The following SORCS3 variants were observed in gnomAD, a reference collection of about 807,000 sequenced individuals.
The protein encoded by SORCS3 is sortilin related VPS10 domain containing receptor 3, also known as VPS10 domain-containing receptor SorCS3.
In SORCS3, 57 loss-of-function variants were observed where a neutral mutation model predicts 146.3. The observed-to-expected ratio is 0.39, with a 90% CI of 0.31 to 0.49. The LOEUF is 0.49. Ranked by LOEUF, SORCS3 falls within the 20% of genes least tolerant of loss-of-function variation. The probability of loss-of-function intolerance (pLI) is 0.92; values close to 1 mark genes in which losing one functional copy is unlikely to be tolerated. For missense variants in SORCS3, 1,341 were observed against 1,575.5 expected (o/e 0.85, Z 2.52); for synonymous variants, 653 against 618.5 (o/e 1.06, Z -0.83).
intron 2 of SORCS3, 129 bp downstream of exon 2, chr10:104,842,988 G>A (rs1464364079): frequency 9.5e-6 from 7 of 735,338 alleles, no homozygotes; most frequent in Middle Eastern, 3.6e-4. Flanking sequence ...TCATGTTAAT[G>A]CTCTGGGTGG....
chr10:104,784,774 T>A (rs926071015), intron 1 of SORCS3, among the ~76,000 whole-genome samples: 1 of 152,224 alleles, frequency 6.6e-6, no homozygotes. Flanking sequence ...GAGGAACCTG[T>A]TTTCCTAGCT....
chr10:104,959,131 C>A (rs899896877), intron 3 of SORCS3, among the ~76,000 whole-genome samples: 1 of 152,080 alleles, frequency 6.6e-6, no homozygotes, highest in Non-Finnish European at 1.5e-5. Flanking sequence ...TTCTGACTTG[C>A]AGATAGGTAA....
intron 1 of SORCS3, among the ~76,000 whole-genome samples, chr10:104,787,492 A>G (rs942445389): frequency 6.6e-6 from 1 of 152,168 alleles, no homozygotes; most frequent in African/African-American, 2.4e-5. Flanking sequence ...TAGGACTCAC[A>G]TTTTAGGCAA....
At chr10:105,164,135 G>T (rs1332061161) in intron 11 of SORCS3, among the ~76,000 whole-genome samples, 168 bp from the exon 12 acceptor site, 6 of 151,966 alleles carry the variant, frequency 3.9e-5, no homozygotes, top group African/African-American at 1.4e-4. Flanking sequence ...TCCCATATTG[G>T]GTTTTTCATC....
intron 5 of SORCS3, among the ~76,000 whole-genome samples, chr10:105,075,652 G>A (rs1249301506): frequency 6.6e-6 from 1 of 152,122 alleles, no homozygotes; most frequent in Non-Finnish European, 1.5e-5. Context: ...GAAGGGGGGC[G>A]AGAAGGGGTG....
At chr10:104,645,682 C>G (rs905681698) in intron 1 of SORCS3, among the ~76,000 whole-genome samples, 2 of 152,196 alleles carry the variant, frequency 1.3e-5, no homozygotes, top group African/African-American at 2.4e-5. Context: ...TTTCTAGGCC[C>G]TCCCAGATCA....
intron 2 of SORCS3, among the ~76,000 whole-genome samples, chr10:104,868,663 A>C (rs796275641): frequency 6.6e-6 from 1 of 152,184 alleles, no homozygotes; most frequent in African/African-American, 2.4e-5. Context: ...CCCTGTGACT[A>C]TAGGAGATAA....
intron 1 of SORCS3, among the ~76,000 whole-genome samples, chr10:104,678,894 A>C (rs1212210533): frequency 6.6e-6 from 1 of 152,192 alleles, no homozygotes; most frequent in Non-Finnish European, 1.5e-5. Context: ...CACTGAGGGA[A>C]AGCAGGACAG....
rs79451683 is a variant in SORCS3, at chr10:105,185,034, A to G, written c.2009+6861A>G. The stretch of plus-strand genomic sequence containing the variant: ...GCTTCTATGAGTTTGACTATTTTAG[A>G]TACCTTATGTAAGTAAAATCATAAA... On this transcript the variant is annotated intron_variant, in intron 14 of 26. Transcript: ENST00000369701. 9.9e-3 allele frequency among the ~76,000 whole-genome samples: 1,515 copies of G among 152,286 alleles called. 32 individuals carry two copies. Among genetic ancestry groups the G allele is most frequent in the African/African-American group, 0.035 (1,449 of 41,562 alleles).
At chr10:104,794,198 C>T (rs1465742385) in intron 1 of SORCS3, among the ~76,000 whole-genome samples, 1 of 152,140 alleles carries the variant, frequency 6.6e-6, no homozygotes. Context: ...ATACTTTGTA[C>T]TATTGTCAGA....
intron 4 of SORCS3, among the ~76,000 whole-genome samples, chr10:105,041,443 A>G (rs1055327504): frequency 2.0e-5 from 3 of 148,614 alleles, no homozygotes; most frequent in Admixed American, 1.4e-4. Flanking sequence ...ACATATATAT[A>G]ACTATATATA....
intron 5 of SORCS3, among the ~76,000 whole-genome samples, chr10:105,078,877 G>A (rs2055605850): frequency 6.6e-6 from 1 of 152,162 alleles, no homozygotes; most frequent in African/African-American, 2.4e-5. Flanking sequence ...CTAACCCAGG[G>A]TCTGGCTCTG....
At chr10:105,012,012 AC>A in intron 4 of SORCS3, among the ~76,000 whole-genome samples, 1 of 152,332 alleles carries the variant, frequency 6.6e-6, no homozygotes, top group South Asian at 2.1e-4. Flanking sequence ...GCTGCAACTT[AC>A]ATAGGGTGTT....
intron 7 of SORCS3, among the ~76,000 whole-genome samples, chr10:105,116,869 C>A (rs2055897057): frequency 6.6e-6 from 1 of 151,982 alleles, no homozygotes; most frequent in African/African-American, 2.4e-5. Flanking sequence ...GAATGGTAGA[C>A]CCCGAGGCCT....
At chr10:105,123,642 G>A (rs17201261) in intron 7 of SORCS3, among the ~76,000 whole-genome samples, 19,320 of 152,094 alleles carry the variant, frequency 0.13, 1,611 homozygotes, top group Middle Eastern at 0.19. Context: ...GTTTATAGTC[G>A]AGAGAGGGAG....
rs1758341954 is a variant in SORCS3, at chr10:104,915,850, C to G, written c.713C>G (p.Thr238Ser). The G allele has an allele frequency of 1.2e-6, 2 of 1,613,914 alleles. No homozygotes were observed. The highest frequency in any genetic ancestry group is 2.2e-5 in the South Asian group (2 of 91,084). ...SSLWRSTDYGTTYEKLNDKVG... is the reference protein window; with the variant it reads ...SSLWRSTDYGSTYEKLNDKVG... ...ACCTGCAGGTCGACAGATTATGGCA[C>G]CACCTATGAAAAGCTGAATGACAAA... Residue 238 changes from threonine (T) to serine (S), a missense_variant, in exon 3 of 27, where the codon ACC (threonine) becomes AGC (serine). Transcript: ENST00000369701.
At chr10:105,010,473 C>T (rs1052479256) in intron 4 of SORCS3, among the ~76,000 whole-genome samples, 6 of 152,190 alleles carry the variant, frequency 3.9e-5, no homozygotes, top group Non-Finnish European at 8.8e-5. Flanking sequence ...TGGCCATTAA[C>T]CAAGATCATT....
chr10:105,097,724 T>A (rs2055756641), intron 6 of SORCS3, among the ~76,000 whole-genome samples: 2 of 152,186 alleles, frequency 1.3e-5, no homozygotes, highest in Non-Finnish European at 2.9e-5. Context: ...AAGGGAGATT[T>A]CAGTTCAATG....
intron 4 of SORCS3, among the ~76,000 whole-genome samples, chr10:104,984,025 A>G (rs2054947805): frequency 6.6e-6 from 1 of 152,178 alleles, no homozygotes; most frequent in Non-Finnish European, 1.5e-5. Context: ...CTGGCATCTG[A>G]GAATTACTTG....
Sources: gnomAD v4.1 joint callset for allele counts (sites outside exome capture counted in the v4.1 genomes callset) on GRCh38, gnomAD v4.1.1 for gene constraint, MANE v1.5 for transcripts, NCBI Gene and HGNC (gene_info 2026-07-23, HGNC 2026-07-21) for gene names.